Variants in OR2L5 observed in about 807,000 individuals in gnomAD.
OR2L5 encodes olfactory receptor 2L5.
For synonymous variants in OR2L5, 169 were observed against 142.0 expected, an observed-to-expected ratio of 1.19 and a Z score of -1.35; for missense variants, 413 against 381.6, an observed-to-expected ratio of 1.08 and a Z score of -0.69.
intron 1 of OR2L5, among the ~76,000 whole-genome samples, chr1:248,016,087 T>C (rs985513813): frequency 6.6e-6 from 1 of 152,198 alleles, no homozygotes; most frequent in Non-Finnish European, 1.5e-5. Flanking sequence ...AATCTTTGTC[T>C]TCTATGAATA....
rs536125177 is a variant in OR2L5, at chr1:248,015,986, T to C, written c.-22+2248T>C. ...AACCATCCTCCTTGGTTCCCAACTCTATCACTAGGTCTCTGTACTGTCATG... is the reference window on the plus strand; with the variant it reads ...AACCATCCTCCTTGGTTCCCAACTCCATCACTAGGTCTCTGTACTGTCATG... On this transcript the variant is annotated intron_variant, in intron 1 of 1. Coordinates refer to ENST00000355281, the MANE Select transcript of OR2L5 (RefSeq NM_001258284.2). 1.4e-4 allele frequency among the ~76,000 whole-genome samples: 22 copies of C among 152,330 alleles called. No homozygotes were observed. The South Asian group carries it at 2.5e-3, about 17-fold the overall frequency.
chr1:248,022,286 C>A lies in OR2L5; in HGVS notation c.339C>A (p.Leu113=). Residue 113 remains leucine, a synonymous_variant, in exon 2 of 2, where the codon CTC becomes CTA. Transcript: ENST00000355281. ...CTTTTGCAGGTGCAGAAGCGCTGCT[C>A]CTGACATCAATGGCCTATGATCGTT... ...FMTFAGAEAL[L]LTSMAYDRYV... is the part of the protein sequence containing the mutation. 3.7e-6 allele frequency: 6 copies of A among 1,614,100 alleles called. No homozygotes were observed. The highest frequency in any genetic ancestry group is 5.1e-6 in the Non-Finnish European group (6 of 1,179,984).
At position 248,022,841 on chromosome 1, in the gene OR2L5, G is replaced by C; in HGVS notation, c.894G>C (p.Gly298=). 6.2e-7 allele frequency: 1 copy of C among 1,612,810 alleles called. No homozygotes were observed. The highest frequency in any genetic ancestry group is 8.5e-7 in the Non-Finnish European group (1 of 1,179,598). The change falls in exon 2 of 2, where the codon GGG becomes GGC. Residue 298 remains glycine (G), a synonymous_variant. Transcript: ENST00000355281. ...GCCTGAGAAACAAGGAGGTGATGGG[G>C]GCCCTGACACGAGTGATTCAGAATA... ...IYSLRNKEVM[G]ALTRVIQNIF...
chr1:248,019,875 C>T (rs2103076531), intron 1 of OR2L5, among the ~76,000 whole-genome samples: 1 of 152,212 alleles, frequency 6.6e-6, no homozygotes, highest in East Asian at 1.9e-4. Context: ...CAACCTCGGC[C>T]TCCTGGGCTC....
intron 1 of OR2L5, 69 bp from the exon 2 acceptor site, chr1:248,021,858 C>T: frequency 3.0e-6 from 3 of 986,382 alleles, no homozygotes; most frequent in African/African-American, 1.6e-5. Context: ...TCACTGGAGG[C>T]CTTGGAATGC....
At chr1:248,020,918 T>C (rs1469073045) in intron 1 of OR2L5, among the ~76,000 whole-genome samples, 3 of 151,530 alleles carry the variant, frequency 2.0e-5, no homozygotes, top group Non-Finnish European at 4.4e-5. Flanking sequence ...TGTATACATA[T>C]GTGACTTGGA....
At chr1:248,016,252 AATT>A (rs1412226471) in intron 1 of OR2L5, among the ~76,000 whole-genome samples, 1 of 152,210 alleles carries the variant, frequency 6.6e-6, no homozygotes, top group African/African-American at 2.4e-5. Context: ...GTAGAATTGT[AATT>A]ATTATGCTGA....
rs549591801 is a variant in OR2L5, at chr1:248,023,792, G to A, written c.*906G>A. 3 of 152,242 alleles carry A rather than the reference G, an allele frequency of 2.0e-5. No individual in the cohort carries two copies. The highest frequency in any genetic ancestry group is 4.1e-4 in the South Asian group (2 of 4,824). The allele number at this position is 152,242 out of a possible 1,614,324, so 9.4% of individuals were successfully genotyped here. On this transcript the variant is annotated 3_prime_UTR_variant, in exon 2 of 2. Coordinates refer to ENST00000355281, the MANE Select transcript of OR2L5 (RefSeq NM_001258284.2). ...CCACAAGAGCCCATTCCTGAGAAAC[G>A]CTTTAGTCTCTGAGGAGAGGAGGCA...
At chr1:248,020,778 T>A (rs1043091116) in intron 1 of OR2L5, among the ~76,000 whole-genome samples, 1 of 151,944 alleles carries the variant, frequency 6.6e-6, no homozygotes, top group African/African-American at 2.4e-5. Flanking sequence ...TATATAACTT[T>A]CATTTATTTC....
chr1:248,017,211 T>G (rs1662220028), intron 1 of OR2L5, among the ~76,000 whole-genome samples: 1 of 152,230 alleles, frequency 6.6e-6, no homozygotes, highest in African/African-American at 2.4e-5. Flanking sequence ...GCTTAAAATA[T>G]TTACAGCTAA....
chr1:248,022,405 T>G lies in OR2L5; in HGVS notation c.458T>G (p.Ile153Ser), dbSNP rs1376753970. 5 of 1,614,176 alleles carry G rather than the reference T, an allele frequency of 3.1e-6. No individual in the cohort carries two copies. Among genetic ancestry groups the G allele is most frequent in the Non-Finnish European group, 4.2e-6 (5 of 1,180,028 alleles). ...MITGSWMIGS[I>S]NSCAHTVYAF... ...ACAGGATCTTGGATGATAGGCTCCA[T>G]CAACTCTTGTGCTCACACAGTATAT... Residue 153 changes from isoleucine (I) to serine (S), a missense_variant, in exon 2 of 2, where the codon ATC becomes AGC. Transcript: ENST00000355281.
In OR2L5 at chr1:248,022,250, C is replaced by T; in HGVS notation, c.303C>T (p.Phe101=). 6.2e-7 allele frequency: 1 copy of T among 1,613,684 alleles called. No homozygotes were observed. Among genetic ancestry groups the T allele is most frequent in the East Asian group, 2.2e-5 (1 of 44,874 alleles). Reference sequence around the variant, plus strand: ...TCATTGGGTGTGGGATTCAGAGTTTCTTCTTCATGACTTTTGCAGGTGCAG... The same window carrying T: ...TCATTGGGTGTGGGATTCAGAGTTTTTTCTTCATGACTTTTGCAGGTGCAG... ...ISFIGCGIQS[F]FFMTFAGAEA... Residue 101 remains phenylalanine, a synonymous_variant, in exon 2 of 2, where the codon TTC becomes TTT. Coordinates refer to ENST00000355281, the MANE Select transcript of OR2L5 (RefSeq NM_001258284.2).
intron 1 of OR2L5, among the ~76,000 whole-genome samples, chr1:248,018,650 C>T (rs894722784): frequency 6.6e-6 from 1 of 152,086 alleles, no homozygotes; most frequent in African/African-American, 2.4e-5. Flanking sequence ...AGTAAATATA[C>T]TTAAGATAAA....
rs1662388446 is a variant in OR2L5 at position 248,023,098 on chromosome 1, A to T, written c.*212A>T. The T allele has an allele frequency of 2.2e-6, 1 of 446,534 alleles. No homozygotes were observed. Among genetic ancestry groups the T allele is most frequent in the Non-Finnish European group, 3.9e-6 (1 of 253,994 alleles). The allele number at this position is 446,534 out of a possible 1,614,324, so 27.7% of individuals were successfully genotyped here. A position where few individuals can be genotyped will look rare whatever the true frequency, so the allele number is the denominator to read the frequency against. ...TTCTTTTTATCAAAAGACAGATCAT[A>T]TATTTTACACTAAATTGTAAGGCCA... is the stretch of plus-strand genomic sequence containing the variant. On this transcript the variant is annotated 3_prime_UTR_variant, in exon 2 of 2. Transcript: ENST00000355281.
chr1:248,019,161 T>C (rs1228379612), intron 1 of OR2L5, among the ~76,000 whole-genome samples: 1 of 152,192 alleles, frequency 6.6e-6, no homozygotes, highest in Non-Finnish European at 1.5e-5. Flanking sequence ...GTTAAATAGC[T>C]GGAGCATATA....
Position 248,022,993 on chromosome 1 carries a change from A to T in OR2L5, c.*107A>T. The T allele has an allele frequency of 9.8e-7, 1 of 1,024,068 alleles. No individual in the cohort carries two copies. The highest frequency in any genetic ancestry group is 1.4e-6 in the Non-Finnish European group (1 of 707,284). The allele number at this position is 1,024,068 out of a possible 1,614,324, so 63.4% of individuals were successfully genotyped here. Reference sequence around the variant, plus strand: ...TGCCCAGTATGTCAAACAGAGATTAATCCAGAATGTTTGTCTTTTAATTTA... The same window carrying T: ...TGCCCAGTATGTCAAACAGAGATTATTCCAGAATGTTTGTCTTTTAATTTA... On this transcript the variant is annotated 3_prime_UTR_variant, in exon 2 of 2. Coordinates refer to ENST00000355281, the MANE Select transcript of OR2L5 (RefSeq NM_001258284.2).
chr1:248,017,940 G>A (rs1180149570), intron 1 of OR2L5, among the ~76,000 whole-genome samples: 2 of 151,940 alleles, frequency 1.3e-5, no homozygotes, highest in African/African-American at 4.8e-5. Flanking sequence ...CATTCGTATC[G>A]AGACCATCCT....
rs1019597241 is a variant in OR2L5, at chr1:248,023,123, A to G, written c.*237A>G. On this transcript the variant is annotated 3_prime_UTR_variant, in exon 2 of 2. Coordinates refer to ENST00000355281, the MANE Select transcript of OR2L5 (RefSeq NM_001258284.2). ...ATATTTTACACTAAATTGTAAGGCC[A>G]TAGAATTTCATTATCATGTATAAAT... 1 of 361,062 alleles carries G rather than the reference A, an allele frequency of 2.8e-6. No homozygotes were observed. Among genetic ancestry groups the G allele is most frequent in the Non-Finnish European group, 5.0e-6 (1 of 200,522 alleles). 22.4% of individuals were successfully genotyped at this position (361,062 alleles called of 1,614,324 possible).
chr1:248,019,545 A>T (rs542378572), intron 1 of OR2L5, among the ~76,000 whole-genome samples: 1 of 152,110 alleles, frequency 6.6e-6, no homozygotes, highest in East Asian at 1.9e-4. Context: ...TAATTTTTCT[A>T]TATGGTGTAA....
Sources: gnomAD v4.1 joint callset for allele counts (sites outside exome capture counted in the v4.1 genomes callset) on GRCh38, gnomAD v4.1.1 for gene constraint, MANE v1.5 for transcripts, NCBI Gene and HGNC (gene_info 2026-07-23, HGNC 2026-07-21) for gene names.